The following FAM186A variants were observed in gnomAD, a reference collection of about 807,000 sequenced individuals.
The protein encoded by FAM186A is family with sequence similarity 186 member A.
Under a neutral mutation model 216.8 loss-of-function variants are expected in FAM186A, and 163 were observed. That is an observed-to-expected ratio of 0.75 (90% confidence interval 0.66 to 0.86). The LOEUF is 0.86. FAM186A is among the 40% of genes least tolerant of loss of function. FAM186A has a pLI of 0.00. For missense variants in FAM186A, 2,184 were observed against 2,746.2 expected (o/e 0.80, Z 4.58); for synonymous variants, 805 against 1,025.3 (o/e 0.79, Z 4.10).
intron 1 of FAM186A, chr12:50,392,731 T>C (rs1244019345): frequency 1.3e-5 from 2 of 150,284 alleles, no homozygotes; most frequent in Admixed American, 6.7e-5. Flanking sequence ...CCCGAGTAGC[T>C]GGGACTACAG....
chr12:50,362,700 C>T (rs909623833), intron 2 of FAM186A, among the ~76,000 whole-genome samples: 4 of 142,488 alleles, frequency 2.8e-5, no homozygotes, highest in East Asian at 2.1e-4. Flanking sequence ...GCTGAGATCG[C>T]GCCACTGCAC....
chr12:50,355,334 T>G lies in FAM186A; in HGVS notation c.1498A>C (p.Lys500Gln). The change falls in exon 4 of 8, where the codon AAA (lysine) becomes CAA (glutamine). Residue 500 changes from lysine to glutamine, a missense_variant. This residue lies in a region of FAM186A where 1,132 missense variants were observed against 1,263.4 expected (regional missense o/e 0.90). Transcript: ENST00000327337. ...GATTTCATTTCTTTTCTTTTCTTTT[T>G]CAGTACTTGTAGCTCATAGTATTGA... ...PSQYYELQVLKKKRKEMKSFS... is the reference protein window; with the variant it reads ...PSQYYELQVLQKKRKEMKSFS... 6.5e-7 allele frequency: 1 copy of G among 1,550,184 alleles called. No homozygotes were observed. The highest frequency in any genetic ancestry group is 2.0e-5 in the Admixed American group (1 of 50,640).
intron 4 of FAM186A, among the ~76,000 whole-genome samples, chr12:50,338,078 A>G: frequency 6.6e-6 from 1 of 152,088 alleles, no homozygotes; most frequent in African/African-American, 2.4e-5. Flanking sequence ...CGTCCTAAGG[A>G]ATATTGATTT....
chr12:50,327,609 T>C (rs1942618428), intron 7 of FAM186A, among the ~76,000 whole-genome samples: 1 of 150,000 alleles, frequency 6.7e-6, no homozygotes, highest in Non-Finnish European at 1.5e-5. Flanking sequence ...TGGTGCCATC[T>C]CAGCTCACTG....
chr12:50,362,915 C>T (rs1258086613), intron 2 of FAM186A, among the ~76,000 whole-genome samples: 10 of 152,166 alleles, frequency 6.6e-5, no homozygotes, highest in Admixed American at 2.0e-4. Flanking sequence ...CATAAAAACA[C>T]GGCTGGCATG....
chr12:50,334,066 T>TAGCCATCCC lies in FAM186A; in HGVS notation c.6540_6541insGGGATGGCT (p.Asn2180_Thr2181insGlyMetAla). 1 of 1,548,942 alleles carries TAGCCATCCC rather than the reference T, an allele frequency of 6.5e-7. No homozygotes were observed. Among genetic ancestry groups the TAGCCATCCC allele is most frequent in the East Asian group, 2.4e-5 (1 of 40,912 alleles). On this transcript the variant is annotated inframe_insertion, in exon 5 of 8. Coordinates refer to ENST00000327337, the MANE Select transcript of FAM186A (RefSeq NM_001145475.3). ...TTCCTGGCCTCATAGCCTTTCCCAG[T>TAGCCATCCC]ATTTTGGATGGCTTTTAGTCGTTTC...
Position 50,350,871 on chromosome 12 carries a change from C to G in FAM186A, c.5961G>C (p.Lys1987Asn). 2.6e-6 allele frequency: 4 copies of G among 1,551,676 alleles called. No homozygotes were observed. Among genetic ancestry groups the G allele is most frequent in the Non-Finnish European group, 3.5e-6 (4 of 1,146,986 alleles). Residue 1987 changes from lysine (K) to asparagine (N), a missense_variant, in exon 4 of 8, where the codon AAG becomes AAC. Transcript: ENST00000327337. ...KVAQVPFTTK[K>N]FQMSEVSDTS... ...TGTCAGAGACCTCCGACATTTGGAA[C>G]TTCTTAGTGGTGAAAGGAACTTGAG...
chr12:50,351,332 G>C lies in FAM186A; in HGVS notation c.5500C>G (p.Pro1834Ala). Residue 1834 changes from proline to alanine, a missense_variant, in exon 4 of 8, where the codon CCA becomes GCA. Coordinates refer to ENST00000327337, the MANE Select transcript of FAM186A (RefSeq NM_001145475.3). ...ACTCCAGCTATAAAGGGCTGCCCTG[G>C]AGTGGGAGGGGCCCGAGATATTGGG... ...QLPISRAPPT[P>A]GQPFIAGVPP... The C allele has an allele frequency of 6.7e-7, 1 of 1,501,916 alleles. No individual in the cohort carries two copies. Among genetic ancestry groups the C allele is most frequent in the Non-Finnish European group, 8.9e-7 (1 of 1,126,978 alleles). 93.0% of individuals were successfully genotyped at this position (1,501,916 alleles called of 1,614,324 possible).
chr12:50,332,029 G>A lies in FAM186A; in HGVS notation c.6697-208C>T, dbSNP rs372969715. On this transcript the variant is annotated intron_variant, in intron 5 of 7. Coordinates refer to ENST00000327337, the MANE Select transcript of FAM186A (RefSeq NM_001145475.3). ...AAACCTTTGTCCTACTTAAGCTTAA[G>A]TCCTGGTCCTCTTATTTTCTTGCTG... Among the ~76,000 whole-genome samples the A allele has an allele frequency of 5.9e-5, 9 of 152,296 alleles. No homozygotes were observed. The East Asian group carries it at 1.2e-3, about 20-fold the overall frequency.
chr12:50,337,768 C>T (rs1321446880), intron 4 of FAM186A, among the ~76,000 whole-genome samples: 2 of 151,996 alleles, frequency 1.3e-5, no homozygotes, highest in Admixed American at 6.6e-5. Flanking sequence ...TGGTGGCAAG[C>T]GCCTGTAGTC....
chr12:50,394,732 C>CTTTTTTTTTTTTTTTTTTTTTTTTTT (rs71083561), intron 1 of FAM186A, among the ~76,000 whole-genome samples: 2 of 29,408 alleles, frequency 6.8e-5, no homozygotes, highest in Admixed American at 5.7e-4. Context: ...GGCTAACACT[C>CTTTTTTTTTTTTTTTTTTTTTTTTTT]TTTTTTTTTT....
At chr12:50,391,674 G>A (rs1043601154) in intron 1 of FAM186A, among the ~76,000 whole-genome samples, 6 of 152,044 alleles carry the variant, frequency 3.9e-5, no homozygotes, top group South Asian at 2.1e-4. Flanking sequence ...GCAGTGGCTC[G>A]ATCTTGGCTC....
intron 4 of FAM186A, among the ~76,000 whole-genome samples, chr12:50,348,277 G>T (rs1375597898): frequency 6.6e-6 from 1 of 150,592 alleles, no homozygotes; most frequent in East Asian, 2.0e-4. Context: ...GACCTCAGGT[G>T]GTCTGCCTGC....
chr12:50,356,357 A>G (rs1942977637), intron 3 of FAM186A, 109 bp from the exon 4 acceptor site: 2 of 801,720 alleles, frequency 2.5e-6, no homozygotes, highest in East Asian at 5.7e-5. Context: ...AACTAATTAA[A>G]TATAAGATAA....
intron 1 of FAM186A, among the ~76,000 whole-genome samples, chr12:50,366,330 A>G (rs1258144144): frequency 6.6e-6 from 1 of 152,304 alleles, no homozygotes; most frequent in East Asian, 1.9e-4. Flanking sequence ...AAAAGATACT[A>G]CTAACTCCTC....
At position 50,355,801 on chromosome 12, in the gene FAM186A, A is replaced by G. The variant is rs1942969523; in HGVS notation, c.1031T>C (p.Leu344Ser). ...KIVIEQLYAK[L>S]STSSTLKVLP... Reference sequence around the variant, plus strand: ...CACTTTCAAGGTTGATGATGTGGACAATTTTGCATATAGTTGTTCTATAAC... The same window carrying G: ...CACTTTCAAGGTTGATGATGTGGACGATTTTGCATATAGTTGTTCTATAAC... The change falls in exon 4 of 8, where the codon TTG becomes TCG. Residue 344 changes from leucine to serine, a missense_variant. By Grantham distance (145) the Leu-to-Ser change is moderately radical. Transcript: ENST00000327337. 2 of 1,551,554 alleles carry G rather than the reference A, an allele frequency of 1.3e-6. No individual in the cohort carries two copies.
At position 50,361,537 on chromosome 12, in the gene FAM186A, A is replaced by G. The variant is rs545266164; in HGVS notation, c.413-611T>C. 2.1e-5 allele frequency among the ~76,000 whole-genome samples: 3 copies of G among 145,614 alleles called. No homozygotes were observed. In the East Asian group the frequency reaches 6.2e-4, roughly 30 times the overall value. On this transcript the variant is annotated intron_variant, in intron 2 of 7. Transcript: ENST00000327337. ...TTTAATATTGGAGATCTAAGCCCCA[A>G]TTAACTCATTTGGCAAGTTTATCCA...
At chr12:50,394,149 G>A (rs1183364303) in intron 1 of FAM186A, among the ~76,000 whole-genome samples, 4 of 152,036 alleles carry the variant, frequency 2.6e-5, no homozygotes, top group Non-Finnish European at 4.4e-5. Flanking sequence ...GAAATCCTGA[G>A]CTCAAGTGAT....
intron 4 of FAM186A, among the ~76,000 whole-genome samples, chr12:50,340,275 G>A (rs1005535743): frequency 6.6e-6 from 1 of 152,058 alleles, no homozygotes; most frequent in Admixed American, 6.6e-5. Context: ...CACATCATAC[G>A]ATATAATCAT....
Sources: allele counts gnomAD v4.1 joint callset (sites outside exome capture counted in the v4.1 genomes callset), GRCh38; gene constraint gnomAD v4.1.1; regional missense constraint gnomAD v4.1.1; transcripts MANE v1.5; gene names NCBI Gene and HGNC (gene_info 2026-07-23, HGNC 2026-07-21).